Variants in DGKI observed in about 807,000 individuals in gnomAD.
The protein encoded by DGKI is diacylglycerol kinase iota, also known as DAG kinase iota.
DGKI carries 55 observed loss-of-function variants against 147.5 expected under a neutral mutation model. The observed-to-expected ratio is 0.37, with a 90% confidence interval of 0.30 to 0.47. The LOEUF (loss-of-function observed/expected upper bound fraction) is 0.47. Ranked by LOEUF, DGKI falls within the 20% of genes least tolerant of loss-of-function variation. The probability of loss-of-function intolerance (pLI) is 1.00; values close to 1 mark genes in which losing one functional copy is unlikely to be tolerated. For synonymous variants in DGKI, 469 were observed against 477.1 expected (o/e 0.98, Z 0.22); for missense variants, 1,007 against 1,323.8 (o/e 0.76, Z 3.71).
intron 3 of DGKI, among the ~76,000 whole-genome samples, chr7:137,663,667 C>T (rs2116307768): frequency 1.3e-5 from 2 of 152,186 alleles, no homozygotes; most frequent in South Asian, 4.1e-4. Context: ...AGTAGGTACA[C>T]TGGCTGTGTT....
At chr7:137,472,066 ATATATAT>A (rs1814926605) in intron 23 of DGKI, among the ~76,000 whole-genome samples, 2 of 127,422 alleles carry the variant, frequency 1.6e-5, no homozygotes, top group African/African-American at 6.1e-5. Context: ...ATATACATAC[ATATATAT>A]TATGTTATAT....
chr7:137,501,998 G>T (rs1816191305), intron 21 of DGKI, among the ~76,000 whole-genome samples: 1 of 152,150 alleles, frequency 6.6e-6, no homozygotes, highest in South Asian at 2.1e-4. Flanking sequence ...GAGTTTGCCT[G>T]CACAAGCCCT....
chr7:137,559,795 G>A (rs1334064948), intron 19 of DGKI, among the ~76,000 whole-genome samples: 4 of 151,954 alleles, frequency 2.6e-5, no homozygotes, highest in Non-Finnish European at 4.4e-5. Flanking sequence ...GATGCGGTTT[G>A]AGAAAAAAAT....
chr7:137,718,386 C>T (rs1361654724), intron 1 of DGKI, among the ~76,000 whole-genome samples: 1 of 152,166 alleles, frequency 6.6e-6, no homozygotes, highest in African/African-American at 2.4e-5. Flanking sequence ...GAGAGATGCC[C>T]ACCCTGCCAG....
At chr7:137,589,581 G>GT (rs1563100542) in intron 12 of DGKI, among the ~76,000 whole-genome samples, 1 of 152,140 alleles carries the variant, frequency 6.6e-6, no homozygotes, top group Non-Finnish European at 1.5e-5. Context: ...GCTTGACATT[G>GT]TTTCTGCACT....
intron 1 of DGKI, among the ~76,000 whole-genome samples, chr7:137,773,390 T>C (rs1244908663): frequency 6.6e-6 from 1 of 152,146 alleles, no homozygotes; most frequent in Admixed American, 6.5e-5. Context: ...GAGAAACACA[T>C]TACTGCCTTA....
intron 5 of DGKI, among the ~76,000 whole-genome samples, chr7:137,653,557 C>T (rs545459063): frequency 1.1e-4 from 16 of 152,136 alleles, no homozygotes; most frequent in Admixed American, 1.3e-4. Flanking sequence ...TCTTTCTATC[C>T]GGAAGGCTCT....
At chr7:137,474,568 T>C (rs1335363463) in intron 23 of DGKI, among the ~76,000 whole-genome samples, 1 of 151,962 alleles carries the variant, frequency 6.6e-6, no homozygotes, top group East Asian at 1.9e-4. Context: ...TTCACTTGAG[T>C]TGAAAAACAG....
intron 1 of DGKI, among the ~76,000 whole-genome samples, chr7:137,733,042 T>C (rs1794927844): frequency 6.6e-6 from 1 of 152,066 alleles, no homozygotes; most frequent in East Asian, 1.9e-4. Context: ...TTATCTTAAT[T>C]ACTACGTCCA....
At chr7:137,537,401 CT>C (rs917889352) in intron 20 of DGKI, among the ~76,000 whole-genome samples, 1 of 152,062 alleles carries the variant, frequency 6.6e-6, no homozygotes, top group African/African-American at 2.4e-5. Flanking sequence ...AAATGTTCTG[CT>C]TTTTTTCCCT....
rs185116031 is a variant in DGKI at position 137,743,063 on chromosome 7, A to G, written c.402-53061T>C. 4.7e-3 allele frequency among the ~76,000 whole-genome samples: 711 copies of G among 152,348 alleles called. 1 individual carries two copies. Among genetic ancestry groups the G allele is most frequent in the Non-Finnish European group, 7.4e-3 (502 of 68,020 alleles). On this transcript the variant is annotated intron_variant, in intron 1 of 32. Transcript: ENST00000614521. ...ACACTACATAATGATAAAGAATTCA[A>G]TTCAACAAGAAGACTTAAATATCCT...
chr7:137,436,690 A>G (rs907601458), intron 28 of DGKI, among the ~76,000 whole-genome samples: 2 of 152,206 alleles, frequency 1.3e-5, no homozygotes. Flanking sequence ...TATACATACT[A>G]CATAATAGAA....
chr7:137,802,014 T>C (rs1007434672), intron 1 of DGKI, among the ~76,000 whole-genome samples: 45 of 151,672 alleles, frequency 3.0e-4, no homozygotes, highest in African/African-American at 9.7e-4. Context: ...AACCAATGAG[T>C]GGATAAAGAA....
intron 1 of DGKI, among the ~76,000 whole-genome samples, chr7:137,767,579 GGAGAA>G (rs200141467): frequency 0.011 from 1,559 of 147,998 alleles, 10 homozygotes; most frequent in Non-Finnish European, 0.017. Flanking sequence ...AGAAGGAGAA[GGAGAA>G]GAGAAGAGAA....
chr7:137,449,545 C>G (rs1046326560), intron 27 of DGKI, among the ~76,000 whole-genome samples: 1 of 152,076 alleles, frequency 6.6e-6, no homozygotes, highest in African/African-American at 2.4e-5. Context: ...TAGAAGAAAA[C>G]AGAAAAGCTC....
intron 1 of DGKI, among the ~76,000 whole-genome samples, chr7:137,833,371 T>C (rs570872093): frequency 9.2e-5 from 14 of 152,308 alleles, no homozygotes; most frequent in South Asian, 2.1e-4. Flanking sequence ...CTTACATGAA[T>C]GGCAGCAGGC....
intron 21 of DGKI, among the ~76,000 whole-genome samples, chr7:137,491,905 G>A (rs1293856725): frequency 6.6e-6 from 1 of 152,208 alleles, no homozygotes; most frequent in Non-Finnish European, 1.5e-5. Flanking sequence ...TGGAGCTGTT[G>A]GGGCAGGAAT....
intron 1 of DGKI, among the ~76,000 whole-genome samples, chr7:137,796,296 A>C (rs1047863848): frequency 6.6e-6 from 1 of 152,120 alleles, no homozygotes; most frequent in Admixed American, 6.5e-5. Context: ...TCAAGAGTTC[A>C]AGACCAGCCT....
At chr7:137,585,596 C>T (rs990452872) in intron 13 of DGKI, among the ~76,000 whole-genome samples, 11 of 152,062 alleles carry the variant, frequency 7.2e-5, no homozygotes, top group Non-Finnish European at 1.5e-4. Flanking sequence ...CAATAGTCAC[C>T]GGTACACATT....
Sources: gnomAD v4.1 joint callset for allele counts (sites outside exome capture counted in the v4.1 genomes callset) on GRCh38, gnomAD v4.1.1 for gene constraint, MANE v1.5 for transcripts, NCBI Gene and HGNC (gene_info 2026-07-23, HGNC 2026-07-21) for gene names.